The following DIPK1A variants were observed in gnomAD, a reference collection of about 807,000 sequenced individuals.
DIPK1A encodes the protein divergent protein kinase domain 1A, also known as family with sequence similarity 69 member A.
DIPK1A carries 27 observed loss-of-function variants against 40.8 expected under a neutral mutation model. That is an observed-to-expected ratio of 0.66 (90% CI 0.49 to 0.91). The LOEUF (loss-of-function observed/expected upper bound fraction) is 0.91, where lower values mean the gene tolerates loss of function less well. Among genes scored for constraint, DIPK1A ranks in the 40% least tolerant of loss-of-function variants. DIPK1A has a pLI of 0.00. For synonymous variants in DIPK1A, 166 were observed against 171.3 expected (o/e 0.97, Z 0.24); for missense variants, 412 against 505.7 (o/e 0.81, Z 1.78).
At chr1:92,914,182 C>T (rs1649951135) in intron 1 of DIPK1A, among the ~76,000 whole-genome samples, 1 of 150,652 alleles carries the variant, frequency 6.6e-6, no homozygotes, top group South Asian at 2.1e-4. Context: ...CAGTGCCTGA[C>T]ACATACTAGA....
chr1:92,892,486 C>A (rs1648938715), intron 1 of DIPK1A, among the ~76,000 whole-genome samples: 1 of 152,050 alleles, frequency 6.6e-6, no homozygotes, highest in Non-Finnish European at 1.5e-5. Context: ...ACATCCACAC[C>A]AAAAACCCAC....
intron 1 of DIPK1A, among the ~76,000 whole-genome samples, chr1:92,918,494 T>G (rs967782525): frequency 6.6e-6 from 1 of 152,256 alleles, no homozygotes; most frequent in Non-Finnish European, 1.5e-5. Flanking sequence ...AAGAAATTTC[T>G]CATTTATAAA....
chr1:92,907,918 G>T (rs1306353124), intron 1 of DIPK1A, among the ~76,000 whole-genome samples: 2 of 152,046 alleles, frequency 1.3e-5, no homozygotes, highest in Non-Finnish European at 2.9e-5. Flanking sequence ...CCAGGCTGGA[G>T]TTCAGTGGCA....
chr1:92,895,885 C>G (rs896922401), intron 1 of DIPK1A, among the ~76,000 whole-genome samples: 17 of 151,976 alleles, frequency 1.1e-4, no homozygotes, highest in Admixed American at 2.6e-4. Flanking sequence ...GCCAAATCAT[C>G]AGTGAATTCC....
In DIPK1A at chr1:92,901,863, A is replaced by G. The variant is rs139908256; in HGVS notation, c.55-25433T>C. Among the ~76,000 whole-genome samples, 1,367 of 152,258 alleles carry G rather than the reference A, an allele frequency of 9.0e-3. 18 individuals carry two copies. The highest frequency in any genetic ancestry group is 0.02 in the South Asian group (97 of 4,828). On this transcript the variant is annotated intron_variant, in intron 1 of 4. Coordinates refer to ENST00000370310, the MANE Select transcript of DIPK1A (RefSeq NM_001006605.5). ...GGAGCTAGTCCAGTTCCAGGGAAGCAGGGTACTAAAGTTGTCTGGCTTATA... is the reference window on the plus strand; with the variant it reads ...GGAGCTAGTCCAGTTCCAGGGAAGCGGGGTACTAAAGTTGTCTGGCTTATA...
chr1:92,836,790 G>A (rs890884118), intron 4 of DIPK1A: 16 of 220,080 alleles, frequency 7.3e-5, no homozygotes, highest in African/African-American at 2.3e-5. Flanking sequence ...GAAGTTTGAG[G>A]AAAAGGCTTA....
intron 4 of DIPK1A, chr1:92,837,069 G>A (rs1041610359): frequency 3.0e-6 from 1 of 329,124 alleles, no homozygotes; most frequent in African/African-American, 2.2e-5. Context: ...TACACCAAGA[G>A]CATTCTCACT....
At chr1:92,896,242 T>C (rs573647185) in intron 1 of DIPK1A, among the ~76,000 whole-genome samples, 2 of 152,312 alleles carry the variant, frequency 1.3e-5, no homozygotes, top group South Asian at 4.1e-4. Context: ...TCTCACTACC[T>C]GACTTCAAAC....
At chr1:92,899,727 A>G (rs778161996) in intron 1 of DIPK1A, among the ~76,000 whole-genome samples, 1 of 152,098 alleles carries the variant, frequency 6.6e-6, no homozygotes, top group Non-Finnish European at 1.5e-5. Flanking sequence ...AACGTGCTCT[A>G]CAAGTTTTTT....
chr1:92,885,013 C>G (rs1034035014), intron 1 of DIPK1A, among the ~76,000 whole-genome samples: 2 of 152,252 alleles, frequency 1.3e-5, no homozygotes, highest in East Asian at 1.9e-4. Flanking sequence ...GTTTCTGAAG[C>G]TTCCTTTCCA....
At chr1:92,924,984 C>T (rs1171638465) in intron 1 of DIPK1A, among the ~76,000 whole-genome samples, 1 of 152,200 alleles carries the variant, frequency 6.6e-6, no homozygotes, top group African/African-American at 2.4e-5. Flanking sequence ...AAACTATCTT[C>T]TAATTCCAGT....
At chr1:92,936,920 T>C (rs1405906309) in intron 1 of DIPK1A, among the ~76,000 whole-genome samples, 8 of 152,220 alleles carry the variant, frequency 5.3e-5, no homozygotes, top group African/African-American at 1.4e-4. Context: ...CACAAAGATA[T>C]AGATACCCTT....
At chr1:92,832,979 G>T in exon 5 of DIPK1A, 1 of 729,508 alleles carries the variant, frequency 1.4e-6, no homozygotes, top group South Asian at 1.4e-5. Context: ...TGGCATCACT[G>T]ATTGCTGTCT....
At chr1:92,929,441 A>C (rs1050359257) in intron 1 of DIPK1A, among the ~76,000 whole-genome samples, 16 of 152,200 alleles carry the variant, frequency 1.1e-4, no homozygotes, top group African/African-American at 3.9e-4. Context: ...TGGATGTTAA[A>C]TGCAGGTTTG....
intron 1 of DIPK1A, among the ~76,000 whole-genome samples, chr1:92,885,242 T>TA (rs1159655318): frequency 3.3e-5 from 5 of 152,352 alleles, no homozygotes; most frequent in Admixed American, 3.3e-4. Flanking sequence ...CTACTGTTGA[T>TA]ACAGCCTGAG....
At chr1:92,863,986 G>C (rs1647408846) in intron 2 of DIPK1A, among the ~76,000 whole-genome samples, 1 of 152,164 alleles carries the variant, frequency 6.6e-6, no homozygotes, top group Non-Finnish European at 1.5e-5. Context: ...GAACCCGGGA[G>C]GTGAAGGTTG....
At chr1:92,865,161 A>C (rs1647477749) in intron 2 of DIPK1A, among the ~76,000 whole-genome samples, 1 of 151,706 alleles carries the variant, frequency 6.6e-6, no homozygotes, top group South Asian at 2.1e-4. Context: ...CAGGAGTTGG[A>C]GATCAGCCTG....
intron 1 of DIPK1A, among the ~76,000 whole-genome samples, chr1:92,930,513 C>T (rs1650701177): frequency 6.6e-6 from 1 of 152,198 alleles, no homozygotes; most frequent in African/African-American, 2.4e-5. Flanking sequence ...CTCATATTAA[C>T]TAAATCCACC....
chr1:92,895,728 A>G (rs1242230276), intron 1 of DIPK1A, among the ~76,000 whole-genome samples: 1 of 152,116 alleles, frequency 6.6e-6, no homozygotes, highest in East Asian at 1.9e-4. Flanking sequence ...CTGTTTGCAG[A>G]TGACATGATT....
Sources: gnomAD v4.1 joint callset for allele counts (sites outside exome capture counted in the v4.1 genomes callset) on GRCh38, gnomAD v4.1.1 for gene constraint, MANE v1.5 for transcripts, NCBI Gene and HGNC (gene_info 2026-07-23, HGNC 2026-07-21) for gene names.